NDUFAF1: variants seen among roughly 807,000 people sequenced by gnomAD.
NDUFAF1 encodes complex I intermediate-associated protein 30, mitochondrial.
In NDUFAF1, 18 loss-of-function variants were observed where a neutral mutation model predicts 28.7. The observed-to-expected ratio is 0.63, with a 90% CI of 0.43 to 0.93. The LOEUF (loss-of-function observed/expected upper bound fraction) is 0.93, where lower values mean the gene tolerates loss of function less well. Ranked by LOEUF, NDUFAF1 falls within the 40% of genes least tolerant of loss-of-function variation. NDUFAF1 has a pLI of 0.00. For synonymous variants in NDUFAF1, 113 were observed against 139.7 expected (o/e 0.81, Z 1.35); for missense variants, 404 against 398.3 (o/e 1.01, Z -0.12).
At chr15:41,394,368 A>G (rs1466689003) in intron 3 of NDUFAF1, 4 of 1,288,940 alleles carry the variant, frequency 3.1e-6, no homozygotes, top group South Asian at 1.2e-5. Context: ...CCTGGAAGAC[A>G]TGAAATGGCA....
chr15:41,387,710 C>A, intron 4 of NDUFAF1, 117 bp from the exon 5 acceptor site: 1 of 789,218 alleles, frequency 1.3e-6, no homozygotes, highest in East Asian at 2.6e-5. Flanking sequence ...GCTATCAGCC[C>A]TTAGCAAATA....
chr15:41,393,589 C>CTTTTTTTTTTTTTTT (rs551792777), intron 3 of NDUFAF1, among the ~76,000 whole-genome samples: 1 of 135,502 alleles, frequency 7.4e-6, no homozygotes, highest in African/African-American at 2.9e-5. Context: ...CGCGGCCGGC[C>CTTTTTTTTTTTTTTT]TTTTTTTTTT....
intron 1 of NDUFAF1, among the ~76,000 whole-genome samples, chr15:41,397,774 G>A (rs1396456704): frequency 1.4e-5 from 2 of 147,224 alleles, no homozygotes; most frequent in African/African-American, 2.6e-5. Flanking sequence ...ACTCCAGCCT[G>A]GGCGACAGAG....
intron 1 of NDUFAF1, among the ~76,000 whole-genome samples, chr15:41,399,420 G>C (rs1195515833): frequency 6.6e-6 from 1 of 151,226 alleles, no homozygotes; most frequent in Non-Finnish European, 1.5e-5. Context: ...AGCTGGGCAT[G>C]GTGGTGGGCA....
At position 41,397,032 on chromosome 15, in the gene NDUFAF1, C is replaced by G; in HGVS notation, c.28G>C (p.Gly10Arg). The G allele has an allele frequency of 3.7e-6, 6 of 1,613,270 alleles. No homozygotes were observed. The highest frequency in any genetic ancestry group is 5.1e-6 in the Non-Finnish European group (6 of 1,179,850). Residue 10 changes from glycine to arginine, a missense_variant, in exon 2 of 5, where the codon GGT becomes CGT. Gly to Arg is a moderately radical substitution (Grantham distance 125). Coordinates refer to ENST00000260361, the MANE Select transcript of NDUFAF1 (RefSeq NM_016013.4). MALVHKLLRGTYFLRKFSKP... is the reference protein window; with the variant it reads MALVHKLLRRTYFLRKFSKP... ...GAGAATTTTCTGAGAAAATAAGTAC[C>G]ACGCAGCAATTTGTGAACCAAAGCC... is the stretch of plus-strand genomic sequence containing the variant.
At position 41,402,282 on chromosome 15, in the gene NDUFAF1, T is replaced by A. The variant is rs916356188; in HGVS notation, c.-220A>T. On this transcript the variant is annotated 5_prime_UTR_variant, in exon 1 of 5. Coordinates refer to ENST00000260361, the MANE Select transcript of NDUFAF1 (RefSeq NM_016013.4). ...TACCCGAGGTCACACAGGTAGTGAG[T>A]GGCAAAATTCTTCCGCCTTGGCGTA... The A allele has an allele frequency of 2.2e-6, 1 of 454,040 alleles. No individual in the cohort carries two copies. The highest frequency in any genetic ancestry group is 6.9e-5 in the East Asian group (1 of 14,396). 28.1% of individuals were successfully genotyped at this position (454,040 alleles called of 1,614,324 possible).
intron 1 of NDUFAF1, among the ~76,000 whole-genome samples, chr15:41,401,109 C>T (rs1027977157): frequency 6.6e-6 from 1 of 151,736 alleles, no homozygotes; most frequent in Admixed American, 6.6e-5. Context: ...GCGGGCGCCA[C>T]CATGCCCGGC....
intron 3 of NDUFAF1, among the ~76,000 whole-genome samples, chr15:41,391,381 G>A (rs2050313715): frequency 6.6e-6 from 1 of 151,944 alleles, no homozygotes; most frequent in South Asian, 2.1e-4. Context: ...CAATACCTTG[G>A]GAGGCGAGTC....
chr15:41,394,410 A>G lies in NDUFAF1; in HGVS notation c.759+449T>C, dbSNP rs964415173. The G allele has an allele frequency of 5.4e-6, 7 of 1,286,214 alleles. No homozygotes were observed. In the African/African-American group the frequency reaches 1.1e-4, roughly 20 times the overall value. The allele number at this position is 1,286,214 out of a possible 1,614,324, so 79.7% of individuals were successfully genotyped here. ...TCTAAAAAACAAACAAACCCCATCT[A>G]TTTGGACACAGAGCAGAGATGTGCC... On this transcript the variant is annotated intron_variant, in intron 3 of 4. Coordinates refer to ENST00000260361, the MANE Select transcript of NDUFAF1 (RefSeq NM_016013.4).
chr15:41,402,869 T>C (rs1013049973), upstream of NDUFAF1, among the ~76,000 whole-genome samples: 4 of 151,518 alleles, frequency 2.6e-5, no homozygotes, highest in African/African-American at 4.9e-5. Context: ...GTAGCTGGGA[T>C]TACAGGTGCG....
At chr15:41,399,801 A>G (rs2050437461) in intron 1 of NDUFAF1, among the ~76,000 whole-genome samples, 1 of 137,574 alleles carries the variant, frequency 7.3e-6, no homozygotes, top group Admixed American at 7.8e-5. Context: ...GCTTGCAGTG[A>G]GCCGAGATCC....
intron 2 of NDUFAF1, 84 bp from the exon 3 acceptor site, chr15:41,395,128 C>T: frequency 8.0e-7 from 1 of 1,254,152 alleles, no homozygotes; most frequent in South Asian, 1.3e-5. Context: ...GCATCATCAA[C>T]AGGATGCACT....
intron 1 of NDUFAF1, among the ~76,000 whole-genome samples, chr15:41,397,733 A>G (rs924423675): frequency 1.3e-5 from 2 of 149,040 alleles, no homozygotes; most frequent in African/African-American, 5.0e-5. Flanking sequence ...CAGGAGGCAG[A>G]GCTTGCAGTG....
Position 41,402,380 on chromosome 15 carries a change from C to G in NDUFAF1, c.-318G>C. 2.2e-6 allele frequency: 1 copy of G among 452,704 alleles called. No individual in the cohort carries two copies. Among genetic ancestry groups the G allele is most frequent in the Non-Finnish European group, 4.4e-6 (1 of 225,582 alleles). 28.0% of individuals were successfully genotyped at this position (452,704 alleles called of 1,614,324 possible). A position where few individuals can be genotyped will look rare whatever the true frequency, so the allele number is the denominator to read the frequency against. ...GCGCTGGGGAGGCCCCCTCAACCCT[C>G]AAGTGCCAGGGCTCTGTCGCCTCCC... On this transcript the variant is annotated 5_prime_UTR_variant, in exon 1 of 5. Transcript: ENST00000260361.
intron 3 of NDUFAF1, among the ~76,000 whole-genome samples, chr15:41,390,799 G>A (rs1488851842): frequency 2.0e-5 from 3 of 151,790 alleles, no homozygotes; most frequent in South Asian, 2.1e-4. Flanking sequence ...TTGGGAGGCC[G>A]AGGTGGGCGG....
chr15:41,389,249 A>ATTTTTT (rs749169325), intron 3 of NDUFAF1, among the ~76,000 whole-genome samples: 3 of 117,148 alleles, frequency 2.6e-5, no homozygotes, highest in East Asian at 2.3e-4. Flanking sequence ...CACCCGGCTA[A>ATTTTTT]TTTTTTTTTT....
chr15:41,402,694 G>C (rs2050482067), upstream of NDUFAF1, among the ~76,000 whole-genome samples: 1 of 147,188 alleles, frequency 6.8e-6, no homozygotes, highest in Non-Finnish European at 1.5e-5. Context: ...TCTCCTTCCT[G>C]TATCCTTTCA....
intron 1 of NDUFAF1, among the ~76,000 whole-genome samples, chr15:41,399,855 C>CAA (rs35139337): frequency 3.8e-4 from 16 of 42,020 alleles, no homozygotes; most frequent in African/African-American, 9.0e-4. Context: ...GACTCCTTCT[C>CAA]AAAAAAAAAA....
intron 4 of NDUFAF1, 99 bp from the exon 5 acceptor site, chr15:41,387,692 G>A: frequency 1.0e-6 from 1 of 988,094 alleles, no homozygotes; most frequent in Non-Finnish European, 1.6e-6. Flanking sequence ...TTATAACTGG[G>A]TTTTAATGCT....
Sources: allele counts gnomAD v4.1 joint callset (sites outside exome capture counted in the v4.1 genomes callset), GRCh38; gene constraint gnomAD v4.1.1; transcripts MANE v1.5; gene names NCBI Gene and HGNC (gene_info 2026-07-23, HGNC 2026-07-21).